Variants in FRMPD4 observed in about 807,000 individuals in gnomAD.
The protein encoded by FRMPD4 is FERM and PDZ domain containing 4, also known as FERM and PDZ domain-containing protein 4.
Under a neutral mutation model 94.1 loss-of-function variants are expected in FRMPD4, and 22 were observed. The ratio of observed to expected loss-of-function variants is 0.23; its 90% CI spans 0.17 to 0.33. The LOEUF (loss-of-function observed/expected upper bound fraction) is 0.33, where lower values mean the gene tolerates loss of function less well. Ranked by LOEUF, FRMPD4 falls within the 10% of genes least tolerant of loss-of-function variation. The pLI, the probability that FRMPD4 is intolerant of heterozygous loss-of-function variation, is 1.00. For synonymous variants in FRMPD4, 631 were observed against 548.6 expected, an observed-to-expected ratio of 1.15 and a Z score of -2.10; for missense variants, 1,111 against 1,339.9, an observed-to-expected ratio of 0.83 and a Z score of 2.67.
intron 1 of FRMPD4, among the ~76,000 whole-genome samples, chrX:12,171,514 G>C (rs1210844800): frequency 2.7e-5 from 3 of 111,390 alleles, no homozygotes; most frequent in Non-Finnish European, 3.8e-5. Flanking sequence ...CTTTAGAGTA[G>C]AGCTTGGGGT....
At chrX:11,917,215 G>A (rs995981099) in intron 3 of FRMPD4, among the ~76,000 whole-genome samples, 9 of 112,073 alleles carry the variant, frequency 8.0e-5, no homozygotes, top group Non-Finnish European at 1.7e-4. Context: ...AGTCAGAATG[G>A]CTATTCTTAA....
intron 4 of FRMPD4, among the ~76,000 whole-genome samples, chrX:12,632,850 T>G (rs755632884): frequency 3.6e-5 from 4 of 112,342 alleles, no homozygotes; most frequent in Non-Finnish European, 7.5e-5. Flanking sequence ...AAGGATTCCT[T>G]GAACAAGAAA....
At chrX:12,180,697 A>G (rs1012521050) in intron 1 of FRMPD4, among the ~76,000 whole-genome samples, 5 of 112,675 alleles carry the variant, frequency 4.4e-5, no homozygotes, top group African/African-American at 1.3e-4. Flanking sequence ...TCCATGTAAC[A>G]AATATTTTTG....
chrX:12,370,134 T>C (rs931854928), intron 1 of FRMPD4, among the ~76,000 whole-genome samples: 4 of 111,295 alleles, frequency 3.6e-5, no homozygotes, highest in African/African-American at 1.3e-4. Flanking sequence ...AGAAAGAGAA[T>C]GTCCACAGGG....
intron 1 of FRMPD4, among the ~76,000 whole-genome samples, chrX:12,281,766 TG>T (rs915250663): frequency 8.9e-6 from 1 of 112,139 alleles, no homozygotes; most frequent in Non-Finnish European, 1.9e-5. Context: ...AAAGACACTG[TG>T]CTCTGTAGAC....
At chrX:12,531,616 A>C (rs1213882653) in intron 2 of FRMPD4, among the ~76,000 whole-genome samples, 1 of 111,699 alleles carries the variant, frequency 9.0e-6, no homozygotes, top group Admixed American at 9.6e-5. Context: ...TTTGGGTGGC[A>C]AGGTTCTTAA....
rs144679832 is a variant in FRMPD4 at position 12,713,451 on chromosome X, A to T, written c.1610-2618A>T. On this transcript the variant is annotated intron_variant, in intron 14 of 16. Transcript: ENST00000675598. ...CTCCCGGTTTCAAATACCTATCCCCACTCTCAAAGATACAGGGCGGGAGGT... is the reference window on the plus strand; with the variant it reads ...CTCCCGGTTTCAAATACCTATCCCCTCTCTCAAAGATACAGGGCGGGAGGT... 2.3e-3 allele frequency among the ~76,000 whole-genome samples: 247 copies of T among 106,656 alleles called. 1 individual carries two copies. In the Middle Eastern group the frequency reaches 0.028, roughly 12 times the overall value. The allele number at this position is 106,656 out of a possible 115,157, so 92.6% of individuals were successfully genotyped here.
intron 3 of FRMPD4, among the ~76,000 whole-genome samples, chrX:12,024,234 G>A (rs868464790): frequency 1.3e-4 from 15 of 111,528 alleles, no homozygotes; most frequent in African/African-American, 3.6e-4. Context: ...TTTATGATAC[G>A]TGCATATGTG....
At chrX:11,913,325 T>TA (rs1215370185) in intron 3 of FRMPD4, among the ~76,000 whole-genome samples, 1 of 112,550 alleles carries the variant, frequency 8.9e-6, no homozygotes, top group Non-Finnish European at 1.9e-5. Context: ...TTCTCCATGC[T>TA]AACTGCACAT....
intron 1 of FRMPD4, among the ~76,000 whole-genome samples, chrX:12,413,746 T>C (rs943869822): frequency 1.8e-5 from 2 of 111,935 alleles, no homozygotes; most frequent in Non-Finnish European, 3.8e-5. Context: ...CCTGGAACAT[T>C]GTGGGGCAGC....
At chrX:12,261,661 T>C (rs1489098666) in intron 1 of FRMPD4, among the ~76,000 whole-genome samples, 1 of 112,248 alleles carries the variant, frequency 8.9e-6, no homozygotes, top group Non-Finnish European at 1.9e-5. Flanking sequence ...CATTCATGTT[T>C]TAAACTTTAT....
chrX:12,331,669 TA>T lies in FRMPD4; in HGVS notation c.42-167010del, dbSNP rs1298215234. Among the ~76,000 whole-genome samples, 340 of 74,389 alleles carry T rather than the reference TA, an allele frequency of 4.6e-3. 6 individuals carry two copies. Among genetic ancestry groups the T allele is most frequent in the African/African-American group, 0.016 (290 of 17,852 alleles). The allele number at this position is 74,389 out of a possible 115,157, so 64.6% of individuals were successfully genotyped here. On this transcript the variant is annotated intron_variant, in intron 1 of 16. Coordinates refer to ENST00000675598, the MANE Select transcript of FRMPD4 (RefSeq NM_001368397.1). ...ATTATATATTTATATAATATATAAA[TA>T]TATAAATTATATATTTATATAATAT... is the stretch of plus-strand genomic sequence containing the variant.
chrX:12,300,272 T>G (rs1221201841), intron 1 of FRMPD4, among the ~76,000 whole-genome samples: 2 of 111,691 alleles, frequency 1.8e-5, no homozygotes, highest in Non-Finnish European at 3.8e-5. Flanking sequence ...GGAAGGGCAT[T>G]CTCTGACTGA....
intron 1 of FRMPD4, among the ~76,000 whole-genome samples, chrX:12,443,173 ACT>A (rs1444016003): frequency 4.5e-5 from 5 of 111,549 alleles, no homozygotes; most frequent in African/African-American, 1.6e-4. Flanking sequence ...ATGGTTGCAA[ACT>A]CTGTGAATGT....
At chrX:12,704,560 C>T in intron 11 of FRMPD4, 75 bp downstream of exon 11, 1 of 735,378 alleles carries the variant, frequency 1.4e-6, no homozygotes, top group Non-Finnish European at 2.0e-6. Flanking sequence ...TTAAAATTAG[C>T]TCATGAATAA....
At chrX:11,900,917 G>A (rs2053933320) in intron 3 of FRMPD4, among the ~76,000 whole-genome samples, 1 of 111,230 alleles carries the variant, frequency 9.0e-6, no homozygotes, top group African/African-American at 3.3e-5. Flanking sequence ...ATCGCAGAAA[G>A]AGGGTGCTTC....
At chrX:12,283,712 C>T (rs187919648) in intron 1 of FRMPD4, among the ~76,000 whole-genome samples, 2 of 110,258 alleles carry the variant, frequency 1.8e-5, no homozygotes, top group African/African-American at 6.6e-5. Flanking sequence ...TGAATAGCAC[C>T]CTAGCCAGGC....
At chrX:12,449,136 T>A (rs2057235192) in intron 1 of FRMPD4, among the ~76,000 whole-genome samples, 1 of 112,458 alleles carries the variant, frequency 8.9e-6, no homozygotes, top group Admixed American at 9.4e-5. Flanking sequence ...GCCAAACTGA[T>A]TGTGGTCAAC....
At chrX:12,264,249 T>C (rs2054240282) in intron 1 of FRMPD4, among the ~76,000 whole-genome samples, 1 of 111,862 alleles carries the variant, frequency 8.9e-6, no homozygotes, top group South Asian at 3.8e-4. Context: ...CCATTGCTAA[T>C]GTAGAATAGT....
Sources: allele counts gnomAD v4.1 joint callset (sites outside exome capture counted in the v4.1 genomes callset), GRCh38; gene constraint gnomAD v4.1.1; transcripts MANE v1.5; gene names NCBI Gene and HGNC (gene_info 2026-07-23, HGNC 2026-07-21).